AUNIP: variants seen among roughly 807,000 people sequenced by gnomAD.
AUNIP encodes the protein aurora kinase A and ninein interacting protein.
A neutral mutation model predicts 12.2 loss-of-function variants in AUNIP; 16 were observed. The ratio of observed to expected loss-of-function variants is 1.31; its 90% confidence interval spans 0.88 to 1.99. The LOEUF (loss-of-function observed/expected upper bound fraction) is 1.99, where lower values mean the gene tolerates loss of function less well. Ranked by LOEUF, AUNIP falls within the 30% of genes most tolerant of loss-of-function variation. AUNIP has a pLI of 0.00. For missense variants in AUNIP, 411 were observed against 419.1 expected (o/e 0.98, Z 0.17); for synonymous variants, 142 against 154.8 (o/e 0.92, Z 0.61).
In AUNIP at chr1:25,835,585, G is replaced by A. The variant is rs2124494209; in HGVS notation, c.482C>T (p.Pro161Leu). ...TELSLLQPDT[P>L]DCAGDSHTPL... is the part of the protein sequence containing the mutation. ...GGTATGACTATCTCCAGCACAGTCT[G>A]GAGTATCAGGCTGGAGCAAAGATAG... The change falls in exon 3 of 3, where the codon CCA (proline) becomes CTA (leucine). Residue 161 changes from proline to leucine, a missense_variant. Physicochemically the swap from Pro to Leu is moderately conservative, Grantham distance 98 (BLOSUM62 -3). Transcript: ENST00000374298. The A allele has an allele frequency of 3.1e-6, 5 of 1,614,256 alleles. No individual in the cohort carries two copies. Among genetic ancestry groups the A allele is most frequent in the Non-Finnish European group, 4.2e-6 (5 of 1,180,044 alleles).
At chr1:25,852,437 G>A (rs1289722737) in intron 1 of AUNIP, among the ~76,000 whole-genome samples, 2 of 147,014 alleles carry the variant, frequency 1.4e-5, no homozygotes, top group Non-Finnish European at 3.0e-5. Context: ...TAGAAGATTA[G>A]ATTATTTAAG....
chr1:25,832,100 T>G (rs1347330974), downstream of AUNIP: 1 of 1,610,218 alleles, frequency 6.2e-7, no homozygotes, highest in African/African-American at 1.3e-5. Flanking sequence ...ACCGCAGATG[T>G]TTCTGCCTCT....
intron 1 of AUNIP, among the ~76,000 whole-genome samples, chr1:25,849,636 TTTTG>T (rs998844132): frequency 6.6e-6 from 1 of 152,142 alleles, no homozygotes. Context: ...TTTTGTGTTA[TTTTG>T]TTTGTTTGTT....
At chr1:25,853,281 C>T (rs1036629220) in intron 1 of AUNIP, among the ~76,000 whole-genome samples, 1 of 152,116 alleles carries the variant, frequency 6.6e-6, no homozygotes, top group African/African-American at 2.4e-5. Context: ...TAACGAATTA[C>T]CACAAAACTT....
intron 1 of AUNIP, among the ~76,000 whole-genome samples, chr1:25,848,309 G>A (rs970635368): frequency 2.6e-4 from 39 of 151,830 alleles, no homozygotes; most frequent in Admixed American, 2.4e-3. Flanking sequence ...GTAAGACCCC[G>A]TCTCTACAAA....
chr1:25,859,172 G>A, intron 1 of AUNIP, 108 bp downstream of exon 1: 1 of 1,181,782 alleles, frequency 8.5e-7, no homozygotes, highest in East Asian at 2.9e-5. Context: ...TCCCTTCTCT[G>A]TCCCCGACTT....
chr1:25,857,501 G>A (rs1355164673), intron 1 of AUNIP, among the ~76,000 whole-genome samples: 1 of 149,268 alleles, frequency 6.7e-6, no homozygotes. Flanking sequence ...CGCCCGCCTC[G>A]GCCTCCCAAA....
At chr1:25,852,145 G>A (rs1051527196) in intron 1 of AUNIP, among the ~76,000 whole-genome samples, 2 of 151,820 alleles carry the variant, frequency 1.3e-5, no homozygotes, top group Non-Finnish European at 1.5e-5. Context: ...GTAGAGATAG[G>A]GTCTCCCTAT....
rs796197777 is a variant in AUNIP, at chr1:25,851,516, G to A, written c.78+7764C>T. Among the ~76,000 whole-genome samples, 68 of 152,336 alleles carry A rather than the reference G, an allele frequency of 4.5e-4. 1 individual carries two copies. The highest frequency in any genetic ancestry group is 1.5e-3 in the African/African-American group (61 of 41,582). ...GGACCTGGACTTTTCTTTGCAGGAA[G>A]TTTTAAAATTACTAATTCAATCTCT... is the stretch of plus-strand genomic sequence containing the variant. On this transcript the variant is annotated intron_variant, in intron 1 of 2. Coordinates refer to ENST00000374298, the MANE Select transcript of AUNIP (RefSeq NM_024037.3).
intron 1 of AUNIP, among the ~76,000 whole-genome samples, chr1:25,843,740 T>G (rs1473754950): frequency 6.6e-6 from 1 of 151,802 alleles, no homozygotes; most frequent in Non-Finnish European, 1.5e-5. Flanking sequence ...AGGAAGTAAT[T>G]GTAAATGTGA....
At chr1:25,835,912 C>CT in intron 2 of AUNIP, 66 bp from the exon 3 acceptor site, 17 of 1,563,742 alleles carry the variant, frequency 1.1e-5, no homozygotes, top group Non-Finnish European at 1.4e-5. Flanking sequence ...ATTCAGTTGG[C>CT]TTTTTCTGAA....
At chr1:25,835,977 A>C (rs2048299856) in intron 2 of AUNIP, 131 bp from the exon 3 acceptor site, 2 of 1,351,130 alleles carry the variant, frequency 1.5e-6, no homozygotes, top group Non-Finnish European at 2.0e-6. Flanking sequence ...CTCTTCACAT[A>C]ACTTTGTAGC....
At chr1:25,832,127 G>C (rs755668704), downstream of AUNIP, 18 of 1,595,528 alleles carry the variant, frequency 1.1e-5, no homozygotes, top group Admixed American at 8.8e-5. Flanking sequence ...TAGATCTTCT[G>C]CAACAGTCTT....
Position 25,845,689 on chromosome 1 carries a change from A to G in AUNIP, c.79-8135T>C, listed in dbSNP as rs1296754029. ...AACTTAATATAGCTTAATACACATA[A>G]TAGGTACTCAATTCAATAAATACTT... On this transcript the variant is annotated intron_variant, in intron 1 of 2. Coordinates refer to ENST00000374298, the MANE Select transcript of AUNIP (RefSeq NM_024037.3). Among the ~76,000 whole-genome samples the G allele has an allele frequency of 3.3e-5, 5 of 152,312 alleles. No individual in the cohort carries two copies. In the South Asian group the frequency reaches 8.3e-4, roughly 25 times the overall value.
intron 1 of AUNIP, among the ~76,000 whole-genome samples, chr1:25,842,208 G>A (rs1479663066): frequency 6.6e-6 from 1 of 152,244 alleles, no homozygotes; most frequent in Admixed American, 6.5e-5. Context: ...CCACTCCAGT[G>A]AAAACACAAA....
chr1:25,857,573 A>G (rs1386479182), intron 1 of AUNIP, among the ~76,000 whole-genome samples: 1 of 151,348 alleles, frequency 6.6e-6, no homozygotes, highest in African/African-American at 2.4e-5. Flanking sequence ...TGAAAAAATA[A>G]AACAATCGGC....
At chr1:25,843,183 A>ATATATATAT (rs1188949749) in intron 1 of AUNIP, among the ~76,000 whole-genome samples, 5,186 of 113,130 alleles carry the variant, frequency 0.046, 119 homozygotes, top group Non-Finnish European at 0.069. Flanking sequence ...AAAAAAAAAA[A>ATATATATAT]AAATATATAT....
In AUNIP at chr1:25,859,283, C is replaced by T; in HGVS notation, c.75G>A (p.Val25=). Residue 25 remains valine, a synonymous_variant, in exon 1 of 3, where the codon GTG becomes GTA. Coordinates refer to ENST00000374298, the MANE Select transcript of AUNIP (RefSeq NM_024037.3). The part of the protein sequence containing the change: ...LDAAALKRRK[V]QTHLIKPGTK... Reference sequence around the variant, plus strand: ...CTCTCATCCCCCAGCGTCCCACCTGCACTTTCCGCCTCTTCAGCGCCGCCG... The same window carrying T: ...CTCTCATCCCCCAGCGTCCCACCTGTACTTTCCGCCTCTTCAGCGCCGCCG... 1 of 1,576,750 alleles carries T rather than the reference C, an allele frequency of 6.3e-7. No individual in the cohort carries two copies. Among genetic ancestry groups the T allele is most frequent in the Non-Finnish European group, 8.6e-7 (1 of 1,162,938 alleles).
rs148757252 is a variant in AUNIP at position 25,859,288 on chromosome 1, T to G, written c.70A>C (p.Lys24Gln). 130 of 1,575,774 alleles carry G rather than the reference T, an allele frequency of 8.2e-5. No homozygotes were observed. The highest frequency in any genetic ancestry group is 1.7e-4 in the Middle Eastern group (1 of 6,052). The change falls in exon 1 of 3, where the codon AAA (lysine) becomes CAA (glutamine). Residue 24 changes from lysine to glutamine, a missense_variant. Physicochemically the swap from Lys to Gln is moderately conservative, Grantham distance 53 (BLOSUM62 1). Transcript: ENST00000374298. Reference sequence around the variant, plus strand: ...ATCCCCCAGCGTCCCACCTGCACTTTCCGCCTCTTCAGCGCCGCCGCGTCC... The same window carrying G: ...ATCCCCCAGCGTCCCACCTGCACTTGCCGCCTCTTCAGCGCCGCCGCGTCC... ...WLDAAALKRR[K>Q]VQTHLIKPGT...
Sources: gnomAD v4.1 joint callset for allele counts (sites outside exome capture counted in the v4.1 genomes callset) on GRCh38, gnomAD v4.1.1 for gene constraint, MANE v1.5 for transcripts, NCBI Gene and HGNC (gene_info 2026-07-23, HGNC 2026-07-21) for gene names.